Variants in CRYBG3 observed in about 807,000 individuals in gnomAD.
CRYBG3 encodes the protein very large A-kinase anchor protein.
Under a neutral mutation model 244.2 loss-of-function variants are expected in CRYBG3, and 127 were observed. The observed-to-expected ratio is 0.52, with a 90% CI of 0.45 to 0.60. The LOEUF (loss-of-function observed/expected upper bound fraction) is 0.60, where lower values mean the gene tolerates loss of function less well. CRYBG3 is among the 20% of genes least tolerant of loss of function. The pLI is 0.00. For synonymous variants in CRYBG3, 1,132 were observed against 1,195.8 expected (o/e 0.95, Z 1.10); for missense variants, 3,325 against 3,442.5 (o/e 0.97, Z 0.85).
chr3:97,900,350 A>C, intron 14 of CRYBG3, 103 bp from the exon 15 acceptor site: 1 of 711,284 alleles, frequency 1.4e-6, no homozygotes, highest in Non-Finnish European at 2.4e-6. Flanking sequence ...TCTGTCTCAA[A>C]AAAGAAAAGA....
At chr3:97,865,903 T>C (rs747489608) in intron 3 of CRYBG3, among the ~76,000 whole-genome samples, 11 of 152,196 alleles carry the variant, frequency 7.2e-5, no homozygotes, top group Non-Finnish European at 1.2e-4. Context: ...AATTTTCAAA[T>C]TCTTTTATGT....
Position 97,886,698 on chromosome 3 carries a change from A to C in CRYBG3, c.7220A>C (p.Gln2407Pro). The C allele has an allele frequency of 6.2e-7, 1 of 1,612,984 alleles. No homozygotes were observed. The highest frequency in any genetic ancestry group is 8.5e-7 in the Non-Finnish European group (1 of 1,179,480). Residue 2407 changes from glutamine (Q) to proline (P), a missense_variant, in exon 8 of 22, where the codon CAG (glutamine) becomes CCG (proline). This residue lies in a region of CRYBG3 where 714 missense variants were observed against 803.6 expected (regional missense o/e 0.89). Coordinates refer to ENST00000389622, the MANE Select transcript of CRYBG3 (RefSeq NM_153605.4). ...CCAGCCTGTTGTCCTGTCTACATACAGAGAGCAGTCCCCAATTTGGAAGAA... is the reference window on the plus strand; with the variant it reads ...CCAGCCTGTTGTCCTGTCTACATACCGAGAGCAGTCCCCAATTTGGAAGAA... ...SDPACCPVYI[Q>P]RAVPNLEELN... is the part of the protein sequence containing the mutation.
At chr3:97,883,182 G>A (rs1365697291) in intron 7 of CRYBG3, among the ~76,000 whole-genome samples, 1 of 152,164 alleles carries the variant, frequency 6.6e-6, no homozygotes, top group Admixed American at 6.5e-5. Context: ...AGATACAGAG[G>A]TGAGCTTTGG....
chr3:97,930,445 G>A (rs766567072), intron 17 of CRYBG3, among the ~76,000 whole-genome samples: 2 of 151,972 alleles, frequency 1.3e-5, no homozygotes, highest in African/African-American at 2.4e-5. Context: ...AATTTATTTT[G>A]CAGATAGCAG....
intron 1 of CRYBG3, among the ~76,000 whole-genome samples, chr3:97,831,884 T>A (rs1225791703): frequency 1.3e-5 from 2 of 152,170 alleles, no homozygotes; most frequent in Non-Finnish European, 2.9e-5. Context: ...TTTTTTAACC[T>A]GATAGCTTAT....
At chr3:97,891,635 T>G (rs957436394) in intron 10 of CRYBG3, among the ~76,000 whole-genome samples, 7 of 152,174 alleles carry the variant, frequency 4.6e-5, no homozygotes, top group Non-Finnish European at 8.8e-5. Context: ...GTCAATGCAG[T>G]CTTTTTTATG....
At chr3:97,847,759 G>T (rs945567491) in intron 2 of CRYBG3, among the ~76,000 whole-genome samples, 1 of 152,136 alleles carries the variant, frequency 6.6e-6, no homozygotes, top group South Asian at 2.1e-4. Flanking sequence ...TTTTAGAAAT[G>T]CTGCTCATGA....
chr3:97,831,631 C>T (rs1553700333), intron 1 of CRYBG3, among the ~76,000 whole-genome samples: 1 of 152,076 alleles, frequency 6.6e-6, no homozygotes, highest in Non-Finnish European at 1.5e-5. Context: ...TTGTTACATT[C>T]ATGCAATGTG....
intron 17 of CRYBG3, among the ~76,000 whole-genome samples, chr3:97,925,064 C>T (rs989462434): frequency 1.3e-5 from 2 of 151,916 alleles, no homozygotes; most frequent in Non-Finnish European, 2.9e-5. Context: ...GGGAGGCTGA[C>T]CTGGGAGGAC....
intron 17 of CRYBG3, among the ~76,000 whole-genome samples, chr3:97,927,778 G>T (rs1004255415): frequency 1.1e-4 from 16 of 151,906 alleles, no homozygotes; most frequent in African/African-American, 3.6e-4. Flanking sequence ...AAGAAGATAT[G>T]CATATGGCCA....
chr3:97,919,445 A>G (rs903585748), intron 17 of CRYBG3, among the ~76,000 whole-genome samples: 1 of 152,170 alleles, frequency 6.6e-6, no homozygotes, highest in African/African-American at 2.4e-5. Context: ...TCAGAGATAT[A>G]TATCTGGAAA....
chr3:97,896,116 A>G, intron 12 of CRYBG3, 31 bp downstream of exon 12: 1 of 1,565,210 alleles, frequency 6.4e-7, no homozygotes, highest in Non-Finnish European at 8.6e-7. Context: ...TTAATTTTCT[A>G]CCTTTTAAAA....
chr3:97,913,266 A>G (rs528241181), intron 16 of CRYBG3, among the ~76,000 whole-genome samples: 84 of 152,298 alleles, frequency 5.5e-4, no homozygotes, highest in Non-Finnish European at 9.9e-4. Context: ...CTTACCATCA[A>G]CTAGCCTCCT....
Position 97,841,401 on chromosome 3 carries a change from G to A in CRYBG3, c.150-1794G>A, listed in dbSNP as rs948644967. 7.3e-5 allele frequency among the ~76,000 whole-genome samples: 11 copies of A among 151,472 alleles called. No homozygotes were observed. The East Asian group carries it at 1.4e-3, about 19-fold the overall frequency. On this transcript the variant is annotated intron_variant, in intron 1 of 21. Coordinates refer to ENST00000389622, the MANE Select transcript of CRYBG3 (RefSeq NM_153605.4). ...TAGAAGCTTTAAGGATCTGTTTAGC[G>A]GTATCCGTTTGGTCCATGTGTTTCT...
At chr3:97,853,870 T>C (rs1160237542) in intron 2 of CRYBG3, among the ~76,000 whole-genome samples, 1 of 152,108 alleles carries the variant, frequency 6.6e-6, no homozygotes, top group Admixed American at 6.5e-5. Context: ...TAGATTTGCT[T>C]TTGGGTTCTT....
At chr3:97,838,655 CAT>C (rs1249021415) in intron 1 of CRYBG3, among the ~76,000 whole-genome samples, 1 of 152,114 alleles carries the variant, frequency 6.6e-6, no homozygotes, top group Non-Finnish European at 1.5e-5. Flanking sequence ...GTGCCTGACA[CAT>C]GTGTGCACTG....
intron 9 of CRYBG3, 70 bp downstream of exon 9, chr3:97,888,525 G>A: frequency 1.0e-6 from 1 of 982,110 alleles, no homozygotes. Flanking sequence ...TAACCATGAT[G>A]TTTGCTCATG....
chr3:97,825,443 G>C (rs555608935), intron 1 of CRYBG3, among the ~76,000 whole-genome samples: 1 of 152,290 alleles, frequency 6.6e-6, no homozygotes, highest in South Asian at 2.1e-4. Context: ...TCTGGGCTGG[G>C]TACTTTTACT....
intron 15 of CRYBG3, among the ~76,000 whole-genome samples, chr3:97,903,909 G>A (rs907770156): frequency 2.6e-5 from 4 of 152,116 alleles, no homozygotes; most frequent in East Asian, 1.9e-4. Context: ...TTTCCAGTTG[G>A]GGAGCTGTTA....
Sources: gnomAD v4.1 joint callset for allele counts (sites outside exome capture counted in the v4.1 genomes callset) on GRCh38, gnomAD v4.1.1 for gene constraint, gnomAD v4.1.1 regional missense constraint, MANE v1.5 for transcripts, NCBI Gene and HGNC (gene_info 2026-07-23, HGNC 2026-07-21) for gene names.